The following RPH3AL variants were observed in gnomAD, a reference collection of about 807,000 sequenced individuals.
RPH3AL encodes the protein rab effector Noc2.
Under a neutral mutation model 43.1 loss-of-function variants are expected in RPH3AL, and 38 were observed. The ratio of observed to expected loss-of-function variants is 0.88; its 90% CI spans 0.68 to 1.15. RPH3AL has a LOEUF of 1.15. Among genes scored for constraint, RPH3AL ranks in the 50% most tolerant of loss-of-function variants. The pLI is 0.00. For synonymous variants in RPH3AL, 189 were observed against 176.3 expected (o/e 1.07, Z -0.57); for missense variants, 462 against 423.2 (o/e 1.09, Z -0.81).
intron 6 of RPH3AL, among the ~76,000 whole-genome samples, chr17:262,510 G>A (rs537531108): frequency 1.3e-4 from 19 of 146,934 alleles, no homozygotes; most frequent in African/African-American, 3.5e-4. Flanking sequence ...CACCGCACCC[G>A]GCCAACAAAA....
intron 6 of RPH3AL, among the ~76,000 whole-genome samples, chr17:255,921 G>A (rs2042036740): frequency 4.4e-5 from 2 of 45,322 alleles, no homozygotes; most frequent in African/African-American, 1.5e-4. Context: ...GAGGGGAGCC[G>A]CACGGCGTCT....
At chr17:243,748 T>C (rs558373120) in intron 7 of RPH3AL, among the ~76,000 whole-genome samples, 2 of 151,764 alleles carry the variant, frequency 1.3e-5, no homozygotes, top group African/African-American at 2.4e-5. Flanking sequence ...CTTCCTCTAT[T>C]GATTACCCTT....
intron 1 of RPH3AL, among the ~76,000 whole-genome samples, chr17:336,423 C>T (rs1052824839): frequency 6.6e-6 from 1 of 152,170 alleles, no homozygotes; most frequent in Non-Finnish European, 1.5e-5. Flanking sequence ...GCAGGAGCCC[C>T]GGGGAAACCA....
rs1027197479 is a variant in RPH3AL, at chr17:225,798, C to T, written c.614-6062G>A. On this transcript the variant is annotated intron_variant, in intron 7 of 9. Transcript: ENST00000331302. The surrounding 1 kb of genome is among the most constrained non-coding windows in gnomAD (Gnocchi z 4.4). The stretch of plus-strand genomic sequence containing the variant: ...GGGGCTGGCGGTGGGCACGGGGCTC[C>T]GTGGTGTCACACAGTACCAGGCTCC... Among the ~76,000 whole-genome samples, 1 of 152,186 alleles carries T rather than the reference C, an allele frequency of 6.6e-6. No homozygotes were observed. Among genetic ancestry groups the T allele is most frequent in the South Asian group, 2.1e-4 (1 of 4,832 alleles).
chr17:220,274 A>G (rs1257394142), intron 7 of RPH3AL, among the ~76,000 whole-genome samples: 1 of 151,476 alleles, frequency 6.6e-6, no homozygotes, highest in African/African-American at 2.4e-5. Flanking sequence ...ACCCAAGAAC[A>G]ACAGCTCTGA....
At chr17:258,213 G>C (rs2042108830) in intron 6 of RPH3AL, among the ~76,000 whole-genome samples, 1 of 152,078 alleles carries the variant, frequency 6.6e-6, no homozygotes, top group Admixed American at 6.5e-5. Context: ...CCCCCACCAG[G>C]CTCCACCAAA....
chr17:352,032 C>T (rs2045363875), intron 1 of RPH3AL, among the ~76,000 whole-genome samples: 1 of 152,178 alleles, frequency 6.6e-6, no homozygotes, highest in Non-Finnish European at 1.5e-5. Context: ...CGCGGCCTTC[C>T]AAAATCTTCA....
At position 213,546 on chromosome 17, in the gene RPH3AL, C is replaced by T; in HGVS notation, c.*306G>A. The T allele has an allele frequency of 2.0e-6, 1 of 492,078 alleles. No individual in the cohort carries two copies. Among genetic ancestry groups the T allele is most frequent in the Non-Finnish European group, 3.7e-6 (1 of 270,366 alleles). The allele number at this position is 492,078 out of a possible 1,614,324, so 30.5% of individuals were successfully genotyped here. A position where few individuals can be genotyped will look rare whatever the true frequency, so the allele number is the denominator to read the frequency against. ...CACTGCATGTGGGAAACCCCCCAGCCCAACCCAAGACACGCGCAAACTTAA... is the reference window on the plus strand; with the variant it reads ...CACTGCATGTGGGAAACCCCCCAGCTCAACCCAAGACACGCGCAAACTTAA... On this transcript the variant is annotated 3_prime_UTR_variant, in exon 10 of 10. Transcript: ENST00000331302.
At chr17:314,421 A>G in intron 5 of RPH3AL, among the ~76,000 whole-genome samples, 1 of 129,628 alleles carries the variant, frequency 7.7e-6, no homozygotes, top group South Asian at 2.4e-4. Context: ...ACCTCCACTG[A>G]CATGTAGTCC....
intron 8 of RPH3AL, 97 bp downstream of exon 8, chr17:219,526 C>CATTTTT: frequency 7.0e-6 from 1 of 143,872 alleles, no homozygotes; most frequent in Non-Finnish European, 1.3e-5. Context: ...CTTTTTCTTC[C>CATTTTT]TTTTTTTTTT....
intron 6 of RPH3AL, among the ~76,000 whole-genome samples, chr17:278,643 G>C (rs2042713166): frequency 6.6e-6 from 1 of 152,046 alleles, no homozygotes; most frequent in Admixed American, 6.5e-5. Flanking sequence ...AACTGCCCCA[G>C]TGTCCCCAGC....
intron 7 of RPH3AL, among the ~76,000 whole-genome samples, chr17:223,536 G>A (rs1163662700): frequency 6.6e-6 from 1 of 152,178 alleles, no homozygotes. Context: ...CTGGTGAGAG[G>A]TAAGACTGGA....
At chr17:256,087 C>G (rs369233747) in intron 6 of RPH3AL, among the ~76,000 whole-genome samples, 1 of 6,910 alleles carries the variant, frequency 1.4e-4, no homozygotes, top group East Asian at 6.7e-3. Flanking sequence ...TCCCTAGGAA[C>G]GTGACTACCC....
At chr17:352,527 G>A (rs2045374481) in intron 1 of RPH3AL, 185 bp downstream of exon 1, 1 of 152,174 alleles carries the variant, frequency 6.6e-6, no homozygotes, top group Non-Finnish European at 1.5e-5. Context: ...CAGGACCTGG[G>A]GCAGCCTGGA....
At position 321,252 on chromosome 17, in the gene RPH3AL, T is replaced by TGGCCCC. The variant is rs2044461825; in HGVS notation, c.221+14_221+19dup. The TGGCCCC allele has an allele frequency of 6.3e-7, 1 of 1,599,466 alleles. No individual in the cohort carries two copies. The highest frequency in any genetic ancestry group is 2.2e-5 in the East Asian group (1 of 44,760). ...AGCCCTTGCTGTCCTCCCACTGAGC[T>TGGCCCC]GGCCCCGGCCCCGCCTCACCCGATT... On this transcript the variant is annotated intron_variant, in intron 4 of 9. Coordinates refer to ENST00000331302, the MANE Select transcript of RPH3AL (RefSeq NM_006987.4).
At position 246,049 on chromosome 17, in the gene RPH3AL, T is replaced by C. The variant is rs1320237424; in HGVS notation, c.613+1062A>G. Among the ~76,000 whole-genome samples, 1 of 152,118 alleles carries C rather than the reference T, an allele frequency of 6.6e-6. No homozygotes were observed. The highest frequency in any genetic ancestry group is 1.5e-5 in the Non-Finnish European group (1 of 68,002). Reference sequence around the variant, plus strand: ...TGCCGACCTACCTGGCAGGTCCACGTATGGGGGATTTATACCTTCTACATA... The same window carrying C: ...TGCCGACCTACCTGGCAGGTCCACGCATGGGGGATTTATACCTTCTACATA... On this transcript the variant is annotated intron_variant, in intron 7 of 9. Transcript: ENST00000331302. This position sits in a 1 kb window ranked among gnomAD's most constrained non-coding sequence, Gnocchi z 4.8.
At chr17:286,290 T>C (rs2042909452) in intron 5 of RPH3AL, among the ~76,000 whole-genome samples, 1 of 152,142 alleles carries the variant, frequency 6.6e-6, no homozygotes, top group African/African-American at 2.4e-5. Context: ...CCCACGAACC[T>C]CTGCCTTCCC....
intron 6 of RPH3AL, among the ~76,000 whole-genome samples, chr17:261,143 C>T (rs1292172087): frequency 6.6e-6 from 1 of 152,222 alleles, no homozygotes; most frequent in African/African-American, 2.4e-5. Context: ...AATTGCAAGG[C>T]TTAAGTAACT....
rs533387372 is a variant in RPH3AL at position 246,601 on chromosome 17, C to T, written c.613+510G>A. Among the ~76,000 whole-genome samples, 39 of 152,084 alleles carry T rather than the reference C, an allele frequency of 2.6e-4. No individual in the cohort carries two copies. The highest frequency in any genetic ancestry group is 9.4e-4 in the African/African-American group (39 of 41,484). On this transcript the variant is annotated intron_variant, in intron 7 of 9. Coordinates refer to ENST00000331302, the MANE Select transcript of RPH3AL (RefSeq NM_006987.4). This position sits in a 1 kb window ranked among gnomAD's most constrained non-coding sequence, Gnocchi z 4.8. Reference sequence around the variant, plus strand: ...GCGCCCCCATCGTTGCCAAGTGGGGCGGCCACCTGAGACACACACACCTTA... The same window carrying T: ...GCGCCCCCATCGTTGCCAAGTGGGGTGGCCACCTGAGACACACACACCTTA...
Sources: gnomAD v4.1 joint callset for allele counts (sites outside exome capture counted in the v4.1 genomes callset) on GRCh38, gnomAD v4.1.1 for gene constraint, Gnocchi (gnomAD v3.1) non-coding constraint, MANE v1.5 for transcripts, NCBI Gene and HGNC (gene_info 2026-07-23, HGNC 2026-07-21) for gene names.